The following LRRC4C variants were observed in gnomAD, a reference collection of about 807,000 sequenced individuals.
The protein encoded by LRRC4C is leucine-rich repeat-containing protein 4C.
Under a neutral mutation model 33.6 loss-of-function variants are expected in LRRC4C, and 5 were observed. That is an observed-to-expected ratio of 0.15 (90% CI 0.08 to 0.31). The LOEUF is 0.31. Among genes scored for constraint, LRRC4C ranks in the 10% least tolerant of loss-of-function variants. The pLI is 1.00. For missense variants in LRRC4C, 560 were observed against 796.7 expected (o/e 0.70, Z 3.58); for synonymous variants, 329 against 302.0 (o/e 1.09, Z -0.93).
At chr11:41,263,841 C>T (rs945471779) in intron 1 of LRRC4C, among the ~76,000 whole-genome samples, 3 of 151,976 alleles carry the variant, frequency 2.0e-5, no homozygotes. Context: ...ATTCAGTATA[C>T]ATAGGATGAC....
At chr11:40,719,563 C>A (rs1240511636) in intron 2 of LRRC4C, among the ~76,000 whole-genome samples, 1 of 152,104 alleles carries the variant, frequency 6.6e-6, no homozygotes, top group African/African-American at 2.4e-5. Context: ...GAAAGCAAAG[C>A]TGCTTTTGGA....
intron 3 of LRRC4C, among the ~76,000 whole-genome samples, chr11:40,460,195 A>G (rs1042678784): frequency 6.6e-6 from 1 of 152,036 alleles, no homozygotes; most frequent in African/African-American, 2.4e-5. Flanking sequence ...TTTCCTTTAT[A>G]TTATATTATT....
intron 1 of LRRC4C, among the ~76,000 whole-genome samples, chr11:41,379,451 G>C (rs1953061379): frequency 6.6e-6 from 1 of 152,094 alleles, no homozygotes; most frequent in South Asian, 2.1e-4. Context: ...GTAACTAGCA[G>C]GAAGTTAGCA....
At chr11:40,369,715 GT>G (rs1235479206) in intron 3 of LRRC4C, among the ~76,000 whole-genome samples, 1 of 152,214 alleles carries the variant, frequency 6.6e-6, no homozygotes, top group Non-Finnish European at 1.5e-5. Flanking sequence ...TGTACAATAT[GT>G]TGTTTTGAAA....
At position 40,682,521 on chromosome 11, in the gene LRRC4C, A is replaced by T. The variant is rs1944741638; in HGVS notation, c.-406-34243T>A. ...CTGGGTGCAGTGGTTCACACCTATA[A>T]TCCCAGCACTTTGGGAGGCCGAGGC... On this transcript the variant is annotated intron_variant, in intron 2 of 6. Transcript: ENST00000528697. Among the ~76,000 whole-genome samples, 6 of 152,164 alleles carry T rather than the reference A, an allele frequency of 3.9e-5. No homozygotes were observed. In the South Asian group the frequency reaches 1.2e-3, roughly 32 times the overall value.
At chr11:41,207,325 G>C (rs1946641652) in intron 1 of LRRC4C, among the ~76,000 whole-genome samples, 1 of 151,786 alleles carries the variant, frequency 6.6e-6, no homozygotes, top group South Asian at 2.1e-4. Flanking sequence ...TCTCCCCTTA[G>C]TCATTATAAA....
At chr11:40,669,476 T>C (rs1217869339) in intron 2 of LRRC4C, among the ~76,000 whole-genome samples, 1 of 152,188 alleles carries the variant, frequency 6.6e-6, no homozygotes, top group African/African-American at 2.4e-5. Context: ...CTTGGTGCCA[T>C]TGCTTTCTTC....
At chr11:40,156,376 G>C (rs1299489524) in intron 5 of LRRC4C, among the ~76,000 whole-genome samples, 1 of 151,980 alleles carries the variant, frequency 6.6e-6, no homozygotes, top group African/African-American at 2.4e-5. Context: ...AGAAATAAAG[G>C]GCATCCAAGT....
rs1423385018 is a variant in LRRC4C at position 41,447,584 on chromosome 11, TG to T, written c.-496+11846del. ...AAGTGTCCTACCTTCTGAGAATATG[TG>T]AAGAACAACTTAGTAGGTAAAAGTA... On this transcript the variant is annotated intron_variant, in intron 1 of 6. Transcript: ENST00000528697. Among the ~76,000 whole-genome samples, 25 of 152,324 alleles carry T rather than the reference TG, an allele frequency of 1.6e-4. No homozygotes were observed. In the East Asian group the frequency reaches 4.8e-3, roughly 29 times the overall value.
chr11:40,865,473 CA>C (rs1331721735), intron 2 of LRRC4C, among the ~76,000 whole-genome samples: 1 of 150,682 alleles, frequency 6.6e-6, no homozygotes, highest in East Asian at 2.0e-4. Context: ...TGAGGCAAGG[CA>C]TATGCTCATT....
At chr11:40,990,475 A>G (rs1853455779) in intron 1 of LRRC4C, among the ~76,000 whole-genome samples, 1 of 151,818 alleles carries the variant, frequency 6.6e-6, no homozygotes, top group African/African-American at 2.4e-5. Flanking sequence ...TAGAATTCAA[A>G]CTGAAAGAGT....
At chr11:40,932,995 C>T (rs1957696720) in intron 2 of LRRC4C, among the ~76,000 whole-genome samples, 1 of 152,122 alleles carries the variant, frequency 6.6e-6, no homozygotes, top group African/African-American at 2.4e-5. Context: ...AACTGGTCAA[C>T]TGACAAGAAA....
intron 2 of LRRC4C, among the ~76,000 whole-genome samples, 196 bp downstream of exon 2, chr11:40,933,439 C>A (rs1247217818): frequency 1.3e-5 from 2 of 152,202 alleles, no homozygotes; most frequent in Non-Finnish European, 1.5e-5. Flanking sequence ...TATGAAACAA[C>A]GTTTCTTTCT....
chr11:40,725,467 G>T (rs1947243922), intron 2 of LRRC4C, among the ~76,000 whole-genome samples: 1 of 150,918 alleles, frequency 6.6e-6, no homozygotes, highest in Admixed American at 6.6e-5. Flanking sequence ...AGTGAGCCGA[G>T]AATCCACCAC....
In LRRC4C at chr11:40,478,103, C is replaced by G. The variant is rs527988021; in HGVS notation, c.-269-158382G>C. 2.0e-5 allele frequency among the ~76,000 whole-genome samples: 3 copies of G among 152,210 alleles called. No homozygotes were observed. In the South Asian group the frequency reaches 6.2e-4, roughly 32 times the overall value. ...TTTCCAGCCACGTGGAACTGTAAGT[C>G]CATTAAGTCTCTTTCTTTTGCAAAT... is the stretch of plus-strand genomic sequence containing the variant. On this transcript the variant is annotated intron_variant, in intron 3 of 6. Transcript: ENST00000528697.
At chr11:40,609,080 A>G (rs1260360570) in intron 3 of LRRC4C, among the ~76,000 whole-genome samples, 2 of 152,136 alleles carry the variant, frequency 1.3e-5, no homozygotes, top group African/African-American at 2.4e-5. Context: ...ACTAGTAGAC[A>G]TATACAAAAC....
In LRRC4C at chr11:41,179,631, C is replaced by T. The variant is rs188361353; in HGVS notation, c.-495-245908G>A. 3.9e-3 allele frequency among the ~76,000 whole-genome samples: 589 copies of T among 152,252 alleles called. 2 individuals carry two copies. Among genetic ancestry groups the T allele is most frequent in the Middle Eastern group, 6.8e-3 (2 of 294 alleles). On this transcript the variant is annotated intron_variant, in intron 1 of 6. Coordinates refer to ENST00000528697, the MANE Select transcript of LRRC4C (RefSeq NM_001258419.2). ...TCTTTGGTTCACTTAACATTGTTTT[C>T]GGCAACAATTACAAACCATTTATGA...
At chr11:40,964,793 C>T (rs536141619) in intron 1 of LRRC4C, among the ~76,000 whole-genome samples, 2,088 of 151,594 alleles carry the variant, frequency 0.014, 50 homozygotes, top group African/African-American at 0.048. Context: ...GGGTTGGTTC[C>T]AAGTCTTTGC....
chr11:40,941,143 G>A (rs776727458), intron 1 of LRRC4C, among the ~76,000 whole-genome samples: 2 of 151,954 alleles, frequency 1.3e-5, no homozygotes, highest in East Asian at 1.9e-4. Flanking sequence ...AATTAGAAAT[G>A]AGATACTTAT....
Sources: gnomAD v4.1 joint callset for allele counts (sites outside exome capture counted in the v4.1 genomes callset) on GRCh38, gnomAD v4.1.1 for gene constraint, MANE v1.5 for transcripts, NCBI Gene and HGNC (gene_info 2026-07-23, HGNC 2026-07-21) for gene names.